Variants in SEL1L2 observed in about 807,000 individuals in gnomAD.
The protein encoded by SEL1L2 is protein sel-1 homolog 2.
Under a neutral mutation model 98.8 loss-of-function variants are expected in SEL1L2, and 89 were observed. The ratio of observed to expected loss-of-function variants is 0.90; its 90% confidence interval spans 0.76 to 1.07. The LOEUF is 1.07. Ranked by LOEUF, SEL1L2 falls within the 50% of genes least tolerant of loss-of-function variation. The pLI, the probability that SEL1L2 is intolerant of heterozygous loss-of-function variation, is 0.00. For synonymous variants in SEL1L2, 262 were observed against 278.5 expected (o/e 0.94, Z 0.59); for missense variants, 788 against 812.0 (o/e 0.97, Z 0.36).
At chr20:13,948,299 T>C (rs574426841) in intron 2 of SEL1L2, among the ~76,000 whole-genome samples, 12 of 152,236 alleles carry the variant, frequency 7.9e-5, no homozygotes, top group Non-Finnish European at 1.3e-4. Flanking sequence ...GGACTCTGAA[T>C]ATCCAAAACA....
intron 4 of SEL1L2, chr20:13,915,285 G>A: frequency 7.9e-7 from 1 of 1,262,044 alleles, no homozygotes; most frequent in Non-Finnish European, 1.0e-6. Context: ...GGAACAAAAA[G>A]AGATAGAAAA....
At chr20:13,891,879 C>A (rs2047219714) in intron 5 of SEL1L2, among the ~76,000 whole-genome samples, 1 of 151,914 alleles carries the variant, frequency 6.6e-6, no homozygotes, top group Admixed American at 6.6e-5. Context: ...GAAAGCAACA[C>A]AAAAGCATAT....
At chr20:13,909,933 T>G (rs1213284253) in intron 5 of SEL1L2, among the ~76,000 whole-genome samples, 2 of 152,118 alleles carry the variant, frequency 1.3e-5, no homozygotes, top group African/African-American at 2.4e-5. Flanking sequence ...ATCACTCCAC[T>G]GCACTCCAGC....
chr20:13,915,100 T>C, intron 4 of SEL1L2: 1 of 1,284,144 alleles, frequency 7.8e-7, no homozygotes, highest in Non-Finnish European at 1.0e-6. Flanking sequence ...GCTTCTGATT[T>C]AGGAGGATCA....
At chr20:13,852,812 A>T (rs751548286) in intron 18 of SEL1L2, among the ~76,000 whole-genome samples, 8 of 152,356 alleles carry the variant, frequency 5.3e-5, no homozygotes, top group Non-Finnish European at 1.0e-4. Flanking sequence ...AAATTGTACA[A>T]TTGCCCGATG....
At chr20:13,960,622 C>A (rs1411937799) in intron 1 of SEL1L2, among the ~76,000 whole-genome samples, 2 of 152,126 alleles carry the variant, frequency 1.3e-5, no homozygotes, top group African/African-American at 4.8e-5. Context: ...GGAAAACATT[C>A]TGTTACAAAT....
At chr20:13,868,616 T>C (rs2046036642) in intron 14 of SEL1L2, among the ~76,000 whole-genome samples, 1 of 151,070 alleles carries the variant, frequency 6.6e-6, no homozygotes, top group Non-Finnish European at 1.5e-5. Context: ...CTTTTTTTTT[T>C]TTTTTTTGAG....
upstream of SEL1L2, among the ~76,000 whole-genome samples, chr20:13,994,091 T>TCAAGACCAGC (rs1262337160): frequency 1.3e-5 from 2 of 151,832 alleles, no homozygotes; most frequent in African/African-American, 4.8e-5. Flanking sequence ...GGTCAGGAGG[T>TCAAGACCAGC]CAAGACCAGC....
chr20:13,907,700 C>CTTTCTTTCTT (rs1328913961), intron 5 of SEL1L2, among the ~76,000 whole-genome samples: 6 of 125,656 alleles, frequency 4.8e-5, no homozygotes, highest in East Asian at 2.3e-4. Flanking sequence ...TTCTTTCTTT[C>CTTTCTTTCTT]TCTTTCTTTC....
chr20:13,976,333 T>G (rs533560303), intron 1 of SEL1L2, among the ~76,000 whole-genome samples: 2 of 152,214 alleles, frequency 1.3e-5, no homozygotes, highest in East Asian at 1.9e-4. Context: ...GTTTGTCTGT[T>G]TTTTTAAAGA....
chr20:13,973,365 C>T (rs750011179), intron 1 of SEL1L2: 3 of 152,174 alleles, frequency 2.0e-5, no homozygotes, highest in Non-Finnish European at 4.4e-5. Flanking sequence ...GTGCAAGGGC[C>T]ATGCCAATAT....
chr20:13,876,222 G>T, intron 11 of SEL1L2, 107 bp from the exon 12 acceptor site: 1 of 784,010 alleles, frequency 1.3e-6, no homozygotes, highest in Non-Finnish European at 2.2e-6. Context: ...ATTGAATGTA[G>T]TAAATGCCAC....
intron 1 of SEL1L2, among the ~76,000 whole-genome samples, chr20:13,959,978 C>G (rs1474435295): frequency 6.6e-6 from 1 of 152,166 alleles, no homozygotes; most frequent in Admixed American, 6.6e-5. Flanking sequence ...AATGTGACAT[C>G]TCTCAATTAT....
chr20:13,951,300 G>GAAAT (rs2050257841), intron 2 of SEL1L2, among the ~76,000 whole-genome samples: 2 of 82,848 alleles, frequency 2.4e-5, no homozygotes, highest in African/African-American at 4.5e-5. Context: ...AAAAAAAAAA[G>GAAAT]AAAGAAAGAA....
At chr20:13,967,443 A>G (rs1436915638) in intron 1 of SEL1L2, among the ~76,000 whole-genome samples, 1 of 152,168 alleles carries the variant, frequency 6.6e-6, no homozygotes, top group East Asian at 1.9e-4. Flanking sequence ...AGAAGAAAAA[A>G]TATTTAAAAG....
intron 5 of SEL1L2, among the ~76,000 whole-genome samples, chr20:13,899,416 A>G (rs2047568793): frequency 1.3e-5 from 2 of 152,198 alleles, no homozygotes; most frequent in South Asian, 4.1e-4. Flanking sequence ...ATGTATTATA[A>G]TTATTTATAT....
rs1212975088 is a variant in SEL1L2 at position 13,887,805 on chromosome 20, C to G, written c.709G>C (p.Val237Leu). The G allele has an allele frequency of 6.2e-7, 1 of 1,613,102 alleles. No individual in the cohort carries two copies. Among genetic ancestry groups the G allele is most frequent in the Non-Finnish European group, 8.5e-7 (1 of 1,179,456 alleles). The change falls in exon 8 of 20, where the codon GTT (valine) becomes CTT (leucine). Residue 237 changes from valine (V) to leucine (L), a missense_variant. Transcript: ENST00000284951. ...ACTTTCTTGTAATAACTTAGGGCAA[C>G]TTCACAATTCTGTAGAACATTGATT... ...SGINVLQNCE[V>L]ALSYYKKVAD...
At chr20:13,891,234 A>G (rs941297220) in intron 5 of SEL1L2, among the ~76,000 whole-genome samples, 1 of 152,224 alleles carries the variant, frequency 6.6e-6, no homozygotes, top group African/African-American at 2.4e-5. Context: ...TCAAAAGTCA[A>G]TGGTAAAGAA....
At chr20:13,924,282 G>GTTT (rs2048783369) in intron 3 of SEL1L2, among the ~76,000 whole-genome samples, 2 of 134,550 alleles carry the variant, frequency 1.5e-5, no homozygotes. Context: ...GTTTTTTTTT[G>GTTT]TTTTTCTTTT....
Sources: allele counts gnomAD v4.1 joint callset (sites outside exome capture counted in the v4.1 genomes callset), GRCh38; gene constraint gnomAD v4.1.1; transcripts MANE v1.5; gene names NCBI Gene and HGNC (gene_info 2026-07-23, HGNC 2026-07-21).